The following KCNAB1 variants were observed in gnomAD, a reference collection of about 807,000 sequenced individuals.
KCNAB1 encodes the protein voltage-gated potassium channel subunit beta-1.
Under a neutral mutation model 64.6 loss-of-function variants are expected in KCNAB1, and 35 were observed. The ratio of observed to expected loss-of-function variants is 0.54; its 90% CI spans 0.41 to 0.72. KCNAB1 has a LOEUF of 0.72. Ranked by LOEUF, KCNAB1 falls within the 30% of genes least tolerant of loss-of-function variation. KCNAB1 has a pLI of 0.00. For missense variants in KCNAB1, 401 were observed against 512.9 expected, an observed-to-expected ratio of 0.78 and a Z score of 2.11; for synonymous variants, 177 against 183.8, an observed-to-expected ratio of 0.96 and a Z score of 0.30.
chr3:156,119,824 C>G (rs1713237848), upstream of KCNAB1, among the ~76,000 whole-genome samples: 1 of 152,172 alleles, frequency 6.6e-6, no homozygotes, highest in Admixed American at 6.5e-5. Flanking sequence ...TTTTCATGTA[C>G]ACTGGGCACA....
At chr3:156,496,634 C>T (rs950398734) in intron 8 of KCNAB1, among the ~76,000 whole-genome samples, 4 of 152,112 alleles carry the variant, frequency 2.6e-5, no homozygotes, top group Non-Finnish European at 4.4e-5. Context: ...TTATGATAAA[C>T]CCAAAACTAT....
At chr3:156,209,169 C>T (rs1714860217) in intron 1 of KCNAB1, among the ~76,000 whole-genome samples, 1 of 152,036 alleles carries the variant, frequency 6.6e-6, no homozygotes, top group South Asian at 2.1e-4. Flanking sequence ...ATTAATGGTG[C>T]AGAGAAGACA....
intron 1 of KCNAB1, among the ~76,000 whole-genome samples, chr3:156,322,590 C>T (rs1722733322): frequency 6.6e-6 from 1 of 152,088 alleles, no homozygotes; most frequent in Non-Finnish European, 1.5e-5. Flanking sequence ...TTCTTATATC[C>T]ATTGTAGGTC....
At chr3:156,155,578 G>A (rs976436852) in intron 1 of KCNAB1, among the ~76,000 whole-genome samples, 1 of 152,072 alleles carries the variant, frequency 6.6e-6, no homozygotes, top group African/African-American at 2.4e-5. Flanking sequence ...AGTTTCCGGG[G>A]TAAAGAGTAT....
chr3:156,181,888 G>T (rs980717461), intron 1 of KCNAB1, among the ~76,000 whole-genome samples: 1 of 152,162 alleles, frequency 6.6e-6, no homozygotes, highest in Non-Finnish European at 1.5e-5. Flanking sequence ...ACAGGAATTT[G>T]AAAAGGTGGG....
At chr3:156,135,303 AG>A (rs1404578037) in intron 1 of KCNAB1, among the ~76,000 whole-genome samples, 1 of 152,054 alleles carries the variant, frequency 6.6e-6, no homozygotes, top group African/African-American at 2.4e-5. Flanking sequence ...AGCCTGGTTT[AG>A]CTTTTTTTTC....
intron 1 of KCNAB1, among the ~76,000 whole-genome samples, chr3:156,260,523 T>C (rs190203612): frequency 6.6e-6 from 1 of 152,318 alleles, no homozygotes; most frequent in African/African-American, 2.4e-5. Context: ...TTATAAAATA[T>C]ATAGTCTTTT....
At chr3:156,417,843 T>G (rs1413103174) in intron 1 of KCNAB1, among the ~76,000 whole-genome samples, 2 of 151,924 alleles carry the variant, frequency 1.3e-5, no homozygotes, top group Non-Finnish European at 2.9e-5. Flanking sequence ...GAGTGGAGAG[T>G]CTGCCTTCAG....
chr3:156,536,999 A>C lies in KCNAB1; in HGVS notation c.*252A>C. 2.0e-6 allele frequency: 1 copy of C among 500,782 alleles called. No homozygotes were observed. Among genetic ancestry groups the C allele is most frequent in the South Asian group, 3.9e-5 (1 of 25,884 alleles). 31.0% of individuals were successfully genotyped at this position (500,782 alleles called of 1,614,324 possible). ...ATTCTTGCATTGCTGTATACACCTC[A>C]TGCTTATGCAATGGGAAGAATATGG... is the stretch of plus-strand genomic sequence containing the variant. On this transcript the variant is annotated 3_prime_UTR_variant, in exon 14 of 14. Transcript: ENST00000490337.
chr3:156,502,173 A>G (rs1716490163), intron 8 of KCNAB1, among the ~76,000 whole-genome samples: 1 of 152,124 alleles, frequency 6.6e-6, no homozygotes, highest in African/African-American at 2.4e-5. Flanking sequence ...AAATAATTTG[A>G]TAAGCTAATT....
intron 1 of KCNAB1, among the ~76,000 whole-genome samples, chr3:156,288,805 A>AT (rs1374489343): frequency 1.3e-5 from 2 of 152,220 alleles, no homozygotes; most frequent in Non-Finnish European, 2.9e-5. Flanking sequence ...ATGTGGGGCA[A>AT]TTATCCACTC....
intron 1 of KCNAB1, among the ~76,000 whole-genome samples, chr3:156,292,443 G>A (rs1042806152): frequency 1.3e-5 from 2 of 152,164 alleles, no homozygotes; most frequent in Non-Finnish European, 2.9e-5. Flanking sequence ...TTTTTCAGTA[G>A]CAAATGTGTT....
At chr3:156,249,782 G>A (rs570263577) in intron 1 of KCNAB1, among the ~76,000 whole-genome samples, 1 of 152,094 alleles carries the variant, frequency 6.6e-6, no homozygotes, top group African/African-American at 2.4e-5. Context: ...TGTGCTAGTG[G>A]GGCCAGAAAG....
intron 1 of KCNAB1, among the ~76,000 whole-genome samples, chr3:156,275,278 C>G (rs973183980): frequency 2.6e-5 from 4 of 152,130 alleles, no homozygotes; most frequent in African/African-American, 9.7e-5. Flanking sequence ...AATGTACACA[C>G]CTTAATTTAA....
intron 6 of KCNAB1, among the ~76,000 whole-genome samples, chr3:156,464,513 G>A (rs1713205525): frequency 6.6e-6 from 1 of 151,684 alleles, no homozygotes; most frequent in Non-Finnish European, 1.5e-5. Flanking sequence ...TAATAATGCT[G>A]GAGTTTTAAC....
rs566573241 is a variant in KCNAB1, at chr3:156,426,704, TG to T, written c.319+5046del. Among the ~76,000 whole-genome samples the T allele has an allele frequency of 4.8e-3, 735 of 152,368 alleles. 6 individuals carry two copies. The highest frequency in any genetic ancestry group is 0.017 in the African/African-American group (698 of 41,584). ...CTGCATAGTTTTGCCTTTTCCAGAATGTCATATAGTTGAATCATATAGTATG... is the reference window on the plus strand; with the variant it reads ...CTGCATAGTTTTGCCTTTTCCAGAATTCATATAGTTGAATCATATAGTATG... On this transcript the variant is annotated intron_variant, in intron 2 of 13. Transcript: ENST00000490337.
At position 156,520,503 on chromosome 3, in the gene KCNAB1, G is replaced by C. The variant is rs546894582; in HGVS notation, c.961-3324G>C. 7.2e-5 allele frequency among the ~76,000 whole-genome samples: 11 copies of C among 152,268 alleles called. No individual in the cohort carries two copies. In the South Asian group the frequency reaches 2.3e-3, roughly 32 times the overall value. The stretch of plus-strand genomic sequence containing the variant: ...TGAGGTGGGAGGATCACCTGAGCCT[G>C]GGAGGTCAAGGCTGCAGTGAGCTGA... On this transcript the variant is annotated intron_variant, in intron 11 of 13. Transcript: ENST00000490337.
intron 1 of KCNAB1, among the ~76,000 whole-genome samples, chr3:156,267,083 C>A (rs755959237): frequency 9.9e-5 from 15 of 152,000 alleles, no homozygotes; most frequent in Non-Finnish European, 1.8e-4. Context: ...TGCCCCTAAT[C>A]CCAGTATCCA....
At chr3:156,155,377 C>A (rs1480777657) in intron 1 of KCNAB1, among the ~76,000 whole-genome samples, 2 of 152,002 alleles carry the variant, frequency 1.3e-5, no homozygotes, top group African/African-American at 2.4e-5. Flanking sequence ...AGTTAATGAA[C>A]AAAAATAAAT....
Sources: gnomAD v4.1 joint callset for allele counts (sites outside exome capture counted in the v4.1 genomes callset) on GRCh38, gnomAD v4.1.1 for gene constraint, MANE v1.5 for transcripts, NCBI Gene and HGNC (gene_info 2026-07-23, HGNC 2026-07-21) for gene names.